Variants in TMEM94 observed in about 807,000 individuals in gnomAD.
TMEM94 encodes the protein ER Mg2+ ATPase.
TMEM94 carries 81 observed loss-of-function variants against 158.6 expected under a neutral mutation model. The observed-to-expected ratio is 0.51, with a 90% CI of 0.43 to 0.61. The LOEUF is 0.61. Among genes scored for constraint, TMEM94 ranks in the 20% least tolerant of loss-of-function variants. TMEM94 has a pLI of 0.00. For missense variants in TMEM94, 1,435 were observed against 1,762.0 expected (o/e 0.81, Z 3.32); for synonymous variants, 751 against 730.7 (o/e 1.03, Z -0.45).
In TMEM94 at chr17:75,485,295, TG is replaced by T; in HGVS notation, c.25-131del. On this transcript the variant is annotated intron_variant, in intron 2 of 31. Coordinates refer to ENST00000314256, the MANE Select transcript of TMEM94 (RefSeq NM_014738.6). The surrounding 1 kb of genome is among the most constrained non-coding windows in gnomAD (Gnocchi z 5.5). The stretch of plus-strand genomic sequence containing the variant: ...TGGTCACACCTTGAGAGGCCAGAGC[TG>T]GTAGGGGAAGAGATGTGAGGATCCC... 1 of 993,982 alleles carries T rather than the reference TG, an allele frequency of 1.0e-6. No individual in the cohort carries two copies. The highest frequency in any genetic ancestry group is 1.5e-6 in the Non-Finnish European group (1 of 680,968). The allele number at this position is 993,982 out of a possible 1,614,324, so 61.6% of individuals were successfully genotyped here.
At position 75,494,888 on chromosome 17, in the gene TMEM94, T is replaced by C. The variant is rs937352632; in HGVS notation, c.2590-8T>C. On this transcript the variant is annotated splice_polypyrimidine_tract_variant and splice_region_variant and intron_variant, in intron 19 of 31. Coordinates refer to ENST00000314256, the MANE Select transcript of TMEM94 (RefSeq NM_014738.6). Reference sequence around the variant, plus strand: ...GCCCGTATGTTCATGGCCGTCTGCCTTTCACAGGTGTTTGCAGAAAAAATG... The same window carrying C: ...GCCCGTATGTTCATGGCCGTCTGCCCTTCACAGGTGTTTGCAGAAAAAATG... 5 of 1,613,478 alleles carry C rather than the reference T, an allele frequency of 3.1e-6. No homozygotes were observed. The African/African-American group carries it at 4.0e-5, about 13-fold the overall frequency.
chr17:75,477,701 G>C (rs1419743453), intron 2 of TMEM94, among the ~76,000 whole-genome samples: 2 of 152,082 alleles, frequency 1.3e-5, no homozygotes, highest in Non-Finnish European at 2.9e-5. Context: ...CCAGAACGTC[G>C]TGCAGGAGCT....
chr17:75,496,647 G>T, intron 24 of TMEM94, 83 bp from the exon 25 acceptor site: 1 of 1,474,280 alleles, frequency 6.8e-7, no homozygotes, highest in Non-Finnish European at 9.5e-7. Flanking sequence ...TGGGCGTCTG[G>T]CTCTTGGCTA....
In TMEM94 at chr17:75,491,228, C is replaced by T; in HGVS notation, c.1233+75C>T. 1 of 1,595,486 alleles carries T rather than the reference C, an allele frequency of 6.3e-7. No individual in the cohort carries two copies. Among genetic ancestry groups the T allele is most frequent in the East Asian group, 2.2e-5 (1 of 44,676 alleles). ...CTCTGGCTGGGCCTGGGCTGCCCAC[C>T]TGCCGCTTGAGTGGCCCCTGGGCAG... On this transcript the variant is annotated intron_variant, in intron 12 of 31. Coordinates refer to ENST00000314256, the MANE Select transcript of TMEM94 (RefSeq NM_014738.6). The surrounding 1 kb of genome is among the most constrained non-coding windows in gnomAD (Gnocchi z 5.1).
At chr17:75,488,286 C>CT (rs1567947364) in intron 6 of TMEM94, 152 bp downstream of exon 6, 32 of 706,980 alleles carry the variant, frequency 4.5e-5, no homozygotes, top group Admixed American at 1.0e-4. Context: ...CCCTGCTGTT[C>CT]TTTTTTTTGA....
chr17:75,497,691 A>ACGC, intron 26 of TMEM94, 90 bp from the exon 27 acceptor site: 1 of 1,021,026 alleles, frequency 9.8e-7, no homozygotes, highest in Non-Finnish European at 1.5e-6. Flanking sequence ...ACTCGACCTC[A>ACGC]CGCGCAAGAC....
At chr17:75,463,276 G>A (rs1416365424) in intron 1 of TMEM94, among the ~76,000 whole-genome samples, 5 of 148,168 alleles carry the variant, frequency 3.4e-5, no homozygotes, top group African/African-American at 5.1e-5. Context: ...TCCTGTTTTG[G>A]GGCCTCCCAG....
Position 75,495,299 on chromosome 17 carries a change from C to G in TMEM94, c.2744C>G (p.Ala915Gly). 1 of 1,610,542 alleles carries G rather than the reference C, an allele frequency of 6.2e-7. No individual in the cohort carries two copies. Among genetic ancestry groups the G allele is most frequent in the Non-Finnish European group, 8.5e-7 (1 of 1,177,836 alleles). Residue 915 changes from alanine (A) to glycine (G), a missense_variant, in exon 21 of 32, where the codon GCA becomes GGA. Around this residue, in one of 3 missense-constraint regions of TMEM94, gnomAD observed 1,051 missense variants for 1,254.4 expected, o/e 0.84. Coordinates refer to ENST00000314256, the MANE Select transcript of TMEM94 (RefSeq NM_014738.6). This position sits in a 1 kb window ranked among gnomAD's most constrained non-coding sequence, Gnocchi z 5.6. ...DDLNQVSRDD[A>G]EGLLLMEEEG... is the part of the protein sequence containing the mutation. ...GTCCCCACAGTGTCCCGAGATGATG[C>G]AGAAGGGCTCCTCCTCATGGAGGAG... is the stretch of plus-strand genomic sequence containing the variant.
At chr17:75,460,674 G>A (rs1011069230) in intron 1 of TMEM94, among the ~76,000 whole-genome samples, 14 of 151,906 alleles carry the variant, frequency 9.2e-5, no homozygotes, top group Non-Finnish European at 1.6e-4. Flanking sequence ...CACCACACCT[G>A]GCTAATTTTT....
intron 1 of TMEM94, among the ~76,000 whole-genome samples, chr17:75,462,410 T>C (rs2050109678): frequency 1.3e-5 from 2 of 151,972 alleles, no homozygotes; most frequent in South Asian, 4.2e-4. Context: ...TGGTTTCACA[T>C]TCTCTCAGGG....
chr17:75,465,655 T>TATTTATATATATATATATA (rs9302993), intron 1 of TMEM94, among the ~76,000 whole-genome samples: 14 of 98,862 alleles, frequency 1.4e-4, no homozygotes, highest in African/African-American at 5.3e-4. Flanking sequence ...ATAAGAATTT[T>TATTTATATATATATATATA]TATATATATA....
chr17:75,481,548 G>A (rs987469694), intron 2 of TMEM94, among the ~76,000 whole-genome samples: 7 of 152,250 alleles, frequency 4.6e-5, no homozygotes, highest in African/African-American at 1.7e-4. Flanking sequence ...CTTATGGGAT[G>A]TGTGCCCTGC....
Position 75,488,099 on chromosome 17 carries a change from G to A in TMEM94, c.577G>A (p.Gly193Ser). 1 of 1,614,182 alleles carries A rather than the reference G, an allele frequency of 6.2e-7. No homozygotes were observed. Among genetic ancestry groups the A allele is most frequent in the East Asian group, 2.2e-5 (1 of 44,880 alleles). The stretch of plus-strand genomic sequence containing the variant: ...AGGAGACATCATAGCTTTGAGGCCT[G>A]GCCAGGAATCGTTTGCTTCTCTGAG... ...VEGDIIALRP[G>S]QESFASLRGI... The change falls in exon 6 of 32, where the codon GGC (glycine) becomes AGC (serine). Residue 193 changes from glycine (G) to serine (S), a missense_variant. Gly to Ser is a moderately conservative substitution (Grantham distance 56). Around this residue, in one of 3 missense-constraint regions of TMEM94, gnomAD observed 1,051 missense variants for 1,254.4 expected, o/e 0.84. Transcript: ENST00000314256.
At chr17:75,462,953 A>G (rs1371918122) in intron 1 of TMEM94, among the ~76,000 whole-genome samples, 1 of 138,042 alleles carries the variant, frequency 7.2e-6, no homozygotes, top group Non-Finnish European at 1.5e-5. Flanking sequence ...TGATCATGCC[A>G]CTGCACTCCA....
chr17:75,490,021 G>A (rs149823522), intron 9 of TMEM94: 28,993 of 632,606 alleles, frequency 0.046, 810 homozygotes, highest in Middle Eastern at 0.093. Context: ...GGAGGTTGCA[G>A]TGAGCCGAGA....
intron 16 of TMEM94, 77 bp from the exon 17 acceptor site, chr17:75,493,411 CAGG>C: frequency 2.8e-6 from 4 of 1,424,458 alleles, no homozygotes; most frequent in Non-Finnish European, 3.9e-6. Flanking sequence ...CGCCCTTCTC[CAGG>C]AGGACAGTGC....
intron 1 of TMEM94, among the ~76,000 whole-genome samples, chr17:75,459,978 C>T (rs909173044): frequency 2.6e-5 from 4 of 152,160 alleles, no homozygotes; most frequent in African/African-American, 9.7e-5. Flanking sequence ...AGCAGACCCG[C>T]CAGCCAGAAT....
At chr17:75,497,045 C>G in intron 25 of TMEM94, 68 bp from the exon 26 acceptor site, 5 of 1,395,332 alleles carry the variant, frequency 3.6e-6, no homozygotes, top group Non-Finnish European at 5.1e-6. Context: ...CAAGGGAGCT[C>G]GGGGGCTCCT....
At chr17:75,476,521 C>T in intron 2 of TMEM94, 1 of 1,421,630 alleles carries the variant, frequency 7.0e-7, no homozygotes. Context: ...GATTGAAGCT[C>T]TGCTCTGCTG....
Sources: allele counts gnomAD v4.1 joint callset (sites outside exome capture counted in the v4.1 genomes callset), GRCh38; gene constraint gnomAD v4.1.1; regional missense constraint gnomAD v4.1.1; non-coding constraint Gnocchi (gnomAD v3.1); transcripts MANE v1.5; gene names NCBI Gene and HGNC (gene_info 2026-07-23, HGNC 2026-07-21).